The following HS6ST3 variants were observed in gnomAD, a reference collection of about 807,000 sequenced individuals.
HS6ST3 encodes the protein heparan sulfate 6-O-sulfotransferase 3.
Under a neutral mutation model 36.7 loss-of-function variants are expected in HS6ST3, and 12 were observed. The ratio of observed to expected loss-of-function variants is 0.33; its 90% CI spans 0.21 to 0.53. HS6ST3 has a LOEUF of 0.53. HS6ST3 is among the 20% of genes least tolerant of loss of function. HS6ST3 has a pLI of 0.95. For synonymous variants in HS6ST3, 240 were observed against 257.5 expected, an observed-to-expected ratio of 0.93 and a Z score of 0.65; for missense variants, 584 against 640.9, an observed-to-expected ratio of 0.91 and a Z score of 0.96.
intron 1 of HS6ST3, among the ~76,000 whole-genome samples, chr13:96,238,319 T>C (rs1210760843): frequency 2.0e-5 from 3 of 152,206 alleles, no homozygotes; most frequent in Non-Finnish European, 2.9e-5. Context: ...ATCCCTTACT[T>C]GAACTAACTC....
At chr13:96,118,215 T>C (rs1405838696) in intron 1 of HS6ST3, among the ~76,000 whole-genome samples, 1 of 151,994 alleles carries the variant, frequency 6.6e-6, no homozygotes, top group Non-Finnish European at 1.5e-5. Context: ...AAAAAATAAG[T>C]AAGGCTAAAT....
chr13:96,304,716 T>TTC (rs1165990616), intron 1 of HS6ST3, among the ~76,000 whole-genome samples: 1 of 134,402 alleles, frequency 7.4e-6, no homozygotes, highest in Non-Finnish European at 1.6e-5. Flanking sequence ...TCTTTCTTTT[T>TTC]TTTTTTTTTT....
chr13:96,771,165 G>A (rs986202506), intron 1 of HS6ST3, among the ~76,000 whole-genome samples: 2 of 151,008 alleles, frequency 1.3e-5, no homozygotes, highest in Admixed American at 6.6e-5. Context: ...GCAAACTATC[G>A]CAAGGCCAAA....
chr13:96,574,019 G>C, intron 1 of HS6ST3: 1 of 542,876 alleles, frequency 1.8e-6, no homozygotes, highest in South Asian at 1.4e-5. Context: ...ATTCACCAAT[G>C]ACCCCTGTCT....
intron 1 of HS6ST3, among the ~76,000 whole-genome samples, chr13:96,147,150 T>C (rs2054062057): frequency 6.6e-6 from 1 of 152,246 alleles, no homozygotes; most frequent in South Asian, 2.1e-4. Context: ...TTATTCTTGA[T>C]AGTGATCAGC....
intron 1 of HS6ST3, among the ~76,000 whole-genome samples, chr13:96,156,048 A>C (rs1224592289): frequency 6.6e-6 from 1 of 152,206 alleles, no homozygotes; most frequent in Non-Finnish European, 1.5e-5. Flanking sequence ...ACAATATAGA[A>C]TCATCTAACA....
At chr13:96,787,219 T>G (rs1412421718) in intron 1 of HS6ST3, among the ~76,000 whole-genome samples, 1 of 152,148 alleles carries the variant, frequency 6.6e-6, no homozygotes, top group Non-Finnish European at 1.5e-5. Context: ...ACATAAGTTT[T>G]CATTTCTCTG....
chr13:96,523,229 A>T (rs902219397), intron 1 of HS6ST3, among the ~76,000 whole-genome samples: 1 of 152,126 alleles, frequency 6.6e-6, no homozygotes, highest in Non-Finnish European at 1.5e-5. Flanking sequence ...GCCGAGAGGG[A>T]TCCGCTGCTA....
intron 1 of HS6ST3, among the ~76,000 whole-genome samples, chr13:96,687,776 G>A (rs943901777): frequency 4.0e-4 from 60 of 151,792 alleles, no homozygotes; most frequent in African/African-American, 1.4e-3. Context: ...TTAGGCATAC[G>A]GACAATAGAT....
At chr13:96,606,495 T>C (rs1308133124) in intron 1 of HS6ST3, among the ~76,000 whole-genome samples, 2 of 151,938 alleles carry the variant, frequency 1.3e-5, no homozygotes, top group African/African-American at 4.8e-5. Flanking sequence ...TAGTATATGT[T>C]CTCACTTACA....
chr13:96,547,215 A>G (rs2056201076), intron 1 of HS6ST3, among the ~76,000 whole-genome samples: 1 of 152,222 alleles, frequency 6.6e-6, no homozygotes. Flanking sequence ...TCTGGAAAGA[A>G]CAATTAGATA....
intron 1 of HS6ST3, among the ~76,000 whole-genome samples, chr13:96,490,934 C>T (rs887428934): frequency 3.9e-5 from 6 of 152,168 alleles, no homozygotes; most frequent in South Asian, 2.1e-4. Flanking sequence ...CCACCTATGG[C>T]GAACCACGCA....
rs2053968037 is a variant in HS6ST3 at position 96,129,900 on chromosome 13, T to C, written c.707+38331T>C. On this transcript the variant is annotated intron_variant, in intron 1 of 1. Transcript: ENST00000376705. The stretch of plus-strand genomic sequence containing the variant: ...TCTGTAGATTGCTTGATTTTGGACT[T>C]CTTACCTCCAGAACTGTGAGGTAAT... Among the ~76,000 whole-genome samples the C allele has an allele frequency of 5.9e-5, 9 of 152,312 alleles. No individual in the cohort carries two copies. In the South Asian group the frequency reaches 1.9e-3, roughly 32 times the overall value.
At chr13:96,811,852 A>G (rs9645884) in intron 1 of HS6ST3, among the ~76,000 whole-genome samples, 7,601 of 152,292 alleles carry the variant, frequency 0.05, 226 homozygotes, top group Middle Eastern at 0.11. Flanking sequence ...CTAAGCTACC[A>G]AACTCAATTT....
intron 1 of HS6ST3, among the ~76,000 whole-genome samples, chr13:96,545,014 TA>T (rs2056192474): frequency 6.6e-6 from 1 of 152,144 alleles, no homozygotes; most frequent in Non-Finnish European, 1.5e-5. Context: ...GAGTGTTTAT[TA>T]ACTAAAAAAA....
chr13:96,330,502 A>T (rs2139420231), intron 1 of HS6ST3, among the ~76,000 whole-genome samples: 1 of 151,774 alleles, frequency 6.6e-6, no homozygotes, highest in East Asian at 2.0e-4. Context: ...AGAATGTTGA[A>T]TATTGGCCCC....
chr13:96,243,951 CCTT>C (rs1429360065), intron 1 of HS6ST3, among the ~76,000 whole-genome samples: 1 of 151,692 alleles, frequency 6.6e-6, no homozygotes, highest in Non-Finnish European at 1.5e-5. Context: ...ATCTTTATCT[CCTT>C]CTGATAAGCC....
chr13:96,586,772 G>A (rs1384592125), intron 1 of HS6ST3, among the ~76,000 whole-genome samples: 1 of 152,092 alleles, frequency 6.6e-6, no homozygotes, highest in Non-Finnish European at 1.5e-5. Context: ...TCACTTGATT[G>A]TTTTCTTTGC....
intron 1 of HS6ST3, among the ~76,000 whole-genome samples, chr13:96,146,759 GA>G (rs995442971): frequency 4.6e-5 from 7 of 152,116 alleles, no homozygotes; most frequent in African/African-American, 1.4e-4. Flanking sequence ...ACATTTCTTG[GA>G]AAAATTGTTT....
Sources: gnomAD v4.1 joint callset for allele counts (sites outside exome capture counted in the v4.1 genomes callset) on GRCh38, gnomAD v4.1.1 for gene constraint, MANE v1.5 for transcripts, NCBI Gene and HGNC (gene_info 2026-07-23, HGNC 2026-07-21) for gene names.